Variants in CDHR3 observed in about 807,000 individuals in gnomAD.
CDHR3 encodes the protein cadherin-related family member 3.
A neutral mutation model predicts 86.6 loss-of-function variants in CDHR3; 79 were observed. That is an observed-to-expected ratio of 0.91 (90% CI 0.76 to 1.10). CDHR3 has a LOEUF of 1.10. Ranked by LOEUF, CDHR3 falls within the 50% of genes least tolerant of loss-of-function variation. The probability of loss-of-function intolerance (pLI) is 0.00; values close to 1 mark genes in which losing one functional copy is unlikely to be tolerated. For missense variants in CDHR3, 1,081 were observed against 1,077.6 expected (o/e 1.00, Z -0.04); for synonymous variants, 421 against 402.4 (o/e 1.05, Z -0.55).
intron 14 of CDHR3, among the ~76,000 whole-genome samples, chr7:106,022,926 A>C (rs570888339): frequency 7.6e-4 from 116 of 152,128 alleles, no homozygotes; most frequent in Non-Finnish European, 1.4e-3. Flanking sequence ...CCTACACCCC[A>C]CCTCCGCTCC....
At chr7:105,983,739 C>T (rs543362389) in intron 3 of CDHR3, among the ~76,000 whole-genome samples, 10 of 152,312 alleles carry the variant, frequency 6.6e-5, no homozygotes, top group African/African-American at 1.9e-4. Context: ...ACTGTAAGAT[C>T]CCTCATTTCA....
chr7:105,974,922 A>C lies in CDHR3; in HGVS notation c.125A>C (p.His42Pro), dbSNP rs750296785. Residue 42 changes from histidine (H) to proline (P), a missense_variant, in exon 2 of 19, where the codon CAC becomes CCC. Physicochemically the swap from His to Pro is moderately conservative, Grantham distance 77. Coordinates refer to ENST00000317716, the MANE Select transcript of CDHR3 (RefSeq NM_152750.5). ...AATTCTCCACCTGGGACTTCAGTGCACAAGTTTTCTGTGAAGTTATCAGCA... is the reference window on the plus strand; with the variant it reads ...AATTCTCCACCTGGGACTTCAGTGCCCAAGTTTTCTGTGAAGTTATCAGCA... ...AENSPPGTSV[H>P]KFSVKLSASL... The C allele has an allele frequency of 6.2e-7, 1 of 1,613,858 alleles. No homozygotes were observed. The highest frequency in any genetic ancestry group is 8.5e-7 in the Non-Finnish European group (1 of 1,179,844).
chr7:105,980,222 A>G lies in CDHR3; in HGVS notation c.250-746A>G, dbSNP rs1194335213. ...AAAATTAGAATGAAGTGATGAGTCA[A>G]GATATAACTTAACGGCAATCCCAGG... On this transcript the variant is annotated intron_variant, in intron 2 of 18. Transcript: ENST00000317716. 3.3e-5 allele frequency among the ~76,000 whole-genome samples: 5 copies of G among 152,342 alleles called. No individual in the cohort carries two copies. In the East Asian group the frequency reaches 9.6e-4, roughly 29 times the overall value.
intron 2 of CDHR3, among the ~76,000 whole-genome samples, 174 bp from the exon 3 acceptor site, chr7:105,980,794 T>C (rs771742650): frequency 2.6e-5 from 4 of 152,072 alleles, no homozygotes; most frequent in Admixed American, 6.6e-5. Context: ...TGAAGTATCA[T>C]AGGGCTTATG....
chr7:106,030,766 T>G lies in CDHR3; in HGVS notation c.2305-26T>G, dbSNP rs748476616. On this transcript the variant is annotated intron_variant, in intron 17 of 18. Coordinates refer to ENST00000317716, the MANE Select transcript of CDHR3 (RefSeq NM_152750.5). The surrounding 1 kb of genome is among the most constrained non-coding windows in gnomAD (Gnocchi z 4.8). ...GGGGGAAGGAATGTAGGATTGTGTT[T>G]GATGCTGTCTCTGTCTTCTCCTTAG... The G allele has an allele frequency of 5.6e-6, 9 of 1,604,338 alleles. No individual in the cohort carries two copies. The highest frequency in any genetic ancestry group is 7.7e-6 in the Non-Finnish European group (9 of 1,175,032).
At chr7:106,009,589 G>A (rs1834455493) in intron 8 of CDHR3, among the ~76,000 whole-genome samples, 1 of 152,222 alleles carries the variant, frequency 6.6e-6, no homozygotes, top group African/African-American at 2.4e-5. Context: ...AGCGGGTGAG[G>A]TCAGCGCGGC....
In CDHR3 at chr7:105,975,003, C is replaced by A. The variant is rs1294684724; in HGVS notation, c.206C>A (p.Thr69Asn). 6.2e-7 allele frequency: 1 copy of A among 1,613,988 alleles called. No individual in the cohort carries two copies. Among genetic ancestry groups the A allele is most frequent in the Admixed American group, 1.7e-5 (1 of 60,032 alleles). The change falls in exon 2 of 19, where the codon ACT becomes AAT. Residue 69 changes from threonine to asparagine, a missense_variant. By Grantham distance (65) the Thr-to-Asn change is moderately conservative. Transcript: ENST00000317716. ...FPQIVNSNPL[T>N]EAFRVNWLSG... is the part of the protein sequence containing the mutation. ...CAGATAGTCAACTCAAATCCCCTCA[C>A]TGAAGCTTTTAGGGTGAATTGGCTG...
At chr7:105,964,579 A>T (rs1826573305) in intron 1 of CDHR3, among the ~76,000 whole-genome samples, 1 of 151,980 alleles carries the variant, frequency 6.6e-6, no homozygotes, top group African/African-American at 2.4e-5. Context: ...GAAATGTTTT[A>T]TATGTTAAGG....
rs759432893 is a variant in CDHR3, at chr7:105,981,107, C to T, written c.389C>T (p.Pro130Leu). The change falls in exon 3 of 19, where the codon CCT (proline) becomes CTT (leucine). Residue 130 changes from proline to leucine, a missense_variant. Coordinates refer to ENST00000317716, the MANE Select transcript of CDHR3 (RefSeq NM_152750.5). ...TVQVTDVNEP[P>L]QFQGNLAEGL... ...CAGGTAACAGATGTGAACGAGCCAC[C>T]TCAGTTTCAAGGCAACTTGGCAGAA... 9 of 1,613,474 alleles carry T rather than the reference C, an allele frequency of 5.6e-6. No individual in the cohort carries two copies. The highest frequency in any genetic ancestry group is 5.3e-5 in the African/African-American group (4 of 74,908).
chr7:106,015,132 G>C lies in CDHR3; in HGVS notation c.1246G>C (p.Glu416Gln), dbSNP rs372371724. The C allele has an allele frequency of 3.1e-6, 5 of 1,608,708 alleles. No homozygotes were observed. In the African/African-American group the frequency reaches 6.7e-5, roughly 22 times the overall value. Residue 416 changes from glutamate to glutamine, a missense_variant, in exon 10 of 19, where the codon GAA (glutamate) becomes CAA (glutamine). Glu to Gln is a conservative substitution (Grantham distance 29). Transcript: ENST00000317716. ...KIVLIGDLDY[E>Q]NPSNLAAGNK... ...CTAGCTGATTGGTGATCTAGACTAC[G>C]AAAATCCAAGTAACCTAGCAGCCGG...
chr7:105,967,968 G>T (rs1425923469), intron 1 of CDHR3, among the ~76,000 whole-genome samples: 2 of 152,102 alleles, frequency 1.3e-5, no homozygotes, highest in African/African-American at 4.8e-5. Flanking sequence ...AATTAGAACC[G>T]ATTTGACAAT....
At chr7:105,990,990 G>A (rs1284825813) in intron 4 of CDHR3, among the ~76,000 whole-genome samples, 2 of 152,174 alleles carry the variant, frequency 1.3e-5, no homozygotes, top group Non-Finnish European at 2.9e-5. Flanking sequence ...CTGCAAAGGG[G>A]CGGCAAATAG....
At chr7:105,989,930 A>G (rs1051000703) in intron 4 of CDHR3, among the ~76,000 whole-genome samples, 2 of 152,112 alleles carry the variant, frequency 1.3e-5, no homozygotes, top group African/African-American at 4.8e-5. Flanking sequence ...CCAACTCAGG[A>G]GTCAGGAGTC....
At chr7:105,980,363 C>G (rs1028904566) in intron 2 of CDHR3, among the ~76,000 whole-genome samples, 11 of 151,988 alleles carry the variant, frequency 7.2e-5, no homozygotes, top group African/African-American at 2.7e-4. Context: ...GGTCTTAGAC[C>G]CTTGAACATC....
At chr7:106,021,083 T>C (rs1380676178) in intron 13 of CDHR3, among the ~76,000 whole-genome samples, 1 of 152,156 alleles carries the variant, frequency 6.6e-6, no homozygotes, top group Non-Finnish European at 1.5e-5. Context: ...ATAGATTAAA[T>C]AGATTAAGTG....
chr7:106,022,056 C>G, intron 13 of CDHR3, 142 bp from the exon 14 acceptor site: 1 of 1,019,184 alleles, frequency 9.8e-7, no homozygotes, highest in Non-Finnish European at 1.4e-6. Flanking sequence ...ATAACTAATC[C>G]AGCTCTGGTG....
Position 106,036,114 on chromosome 7 carries a change from T to C in CDHR3, c.*3417T>C, listed in dbSNP as rs1838903197. 1 of 152,144 alleles carries C rather than the reference T, an allele frequency of 6.6e-6. No homozygotes were observed. The highest frequency in any genetic ancestry group is 2.4e-5 in the African/African-American group (1 of 41,422). 9.4% of individuals were successfully genotyped at this position (152,144 alleles called of 1,614,324 possible). On this transcript the variant is annotated 3_prime_UTR_variant, in exon 19 of 19. Transcript: ENST00000317716. The stretch of plus-strand genomic sequence containing the variant: ...AATTGTCGAAGACTTTGAAACTGCA[T>C]AGTAGATTGTGACATTGGAGCTTTT...
chr7:105,966,999 C>T (rs532161323), intron 1 of CDHR3, among the ~76,000 whole-genome samples: 1 of 151,678 alleles, frequency 6.6e-6, no homozygotes, highest in Admixed American at 6.6e-5. Flanking sequence ...TACAGGTGCA[C>T]AATGTTCAGG....
intron 1 of CDHR3, among the ~76,000 whole-genome samples, chr7:105,967,315 A>G (rs1585463455): frequency 6.6e-6 from 1 of 152,188 alleles, no homozygotes; most frequent in Admixed American, 6.5e-5. Flanking sequence ...ATAGTATTCC[A>G]TGGTGTATAT....
Sources: allele counts gnomAD v4.1 joint callset (sites outside exome capture counted in the v4.1 genomes callset), GRCh38; gene constraint gnomAD v4.1.1; non-coding constraint Gnocchi (gnomAD v3.1); transcripts MANE v1.5; gene names NCBI Gene and HGNC (gene_info 2026-07-23, HGNC 2026-07-21).